SOX5: variants seen among roughly 807,000 people sequenced by gnomAD.
SOX5 encodes transcription factor SOX-5.
SOX5 carries 9 observed loss-of-function variants against 92.0 expected under a neutral mutation model. The ratio of observed to expected loss-of-function variants is 0.10; its 90% CI spans 0.06 to 0.17. The LOEUF (loss-of-function observed/expected upper bound fraction) is 0.17, where lower values mean the gene tolerates loss of function less well. Ranked by LOEUF, SOX5 falls within the 10% of genes least tolerant of loss-of-function variation. The pLI is 1.00. For synonymous variants in SOX5, 344 were observed against 336.3 expected (o/e 1.02, Z -0.25); for missense variants, 642 against 944.5 (o/e 0.68, Z 4.20).
At chr12:24,262,115 T>G (rs576705023) in intron 3 of SOX5, among the ~76,000 whole-genome samples, 1 of 152,154 alleles carries the variant, frequency 6.6e-6, no homozygotes, top group Non-Finnish European at 1.5e-5. Flanking sequence ...AGGGGCAACA[T>G]AACATGTAAG....
intron 3 of SOX5, among the ~76,000 whole-genome samples, chr12:23,768,788 A>C (rs1035887326): frequency 2.6e-5 from 4 of 152,146 alleles, no homozygotes; most frequent in African/African-American, 9.7e-5. Context: ...ATTAAAATTG[A>C]TCTTTATTGC....
intron 8 of SOX5, among the ~76,000 whole-genome samples, chr12:23,632,560 G>T (rs2078682983): frequency 6.6e-6 from 1 of 152,068 alleles, no homozygotes; most frequent in Admixed American, 6.6e-5. Context: ...GTCACTCACA[G>T]TGCTGGGAAA....
intron 1 of SOX5, among the ~76,000 whole-genome samples, chr12:23,907,658 A>G (rs1458133593): frequency 6.6e-6 from 1 of 152,118 alleles, no homozygotes; most frequent in African/African-American, 2.4e-5. Flanking sequence ...AATAATCTGT[A>G]AAAACAGCTC....
chr12:24,420,945 T>C (rs887005026), intron 1 of SOX5, among the ~76,000 whole-genome samples: 7 of 152,144 alleles, frequency 4.6e-5, no homozygotes, highest in Admixed American at 6.5e-5. Flanking sequence ...AAATCCATAC[T>C]GTGGGAAATT....
chr12:24,386,101 AT>A (rs1958384258), intron 1 of SOX5, among the ~76,000 whole-genome samples: 1 of 152,240 alleles, frequency 6.6e-6, no homozygotes, highest in African/African-American at 2.4e-5. Context: ...CTCAAATAAT[AT>A]TGTCTAGTTC....
intron 1 of SOX5, among the ~76,000 whole-genome samples, chr12:24,493,045 A>G (rs1229375377): frequency 6.6e-6 from 1 of 152,322 alleles, no homozygotes; most frequent in African/African-American, 2.4e-5. Context: ...CTGGTTTACC[A>G]AAAGGGCAAG....
chr12:24,106,659 G>A (rs1264793005), intron 4 of SOX5, among the ~76,000 whole-genome samples: 3 of 151,832 alleles, frequency 2.0e-5, no homozygotes, highest in Non-Finnish European at 4.4e-5. Context: ...GGGTATGGTG[G>A]TGAGTGCCTC....
chr12:24,390,493 T>C (rs1958886128), intron 1 of SOX5, among the ~76,000 whole-genome samples: 1 of 152,150 alleles, frequency 6.6e-6, no homozygotes, highest in African/African-American at 2.4e-5. Context: ...ATATATTGCA[T>C]AGTGATGAAG....
At chr12:24,123,849 T>G (rs1948854062) in intron 4 of SOX5, among the ~76,000 whole-genome samples, 1 of 152,188 alleles carries the variant, frequency 6.6e-6, no homozygotes, top group Non-Finnish European at 1.5e-5. Flanking sequence ...ACATCCTCCC[T>G]GTATTGAGCA....
intron 4 of SOX5, among the ~76,000 whole-genome samples, chr12:24,027,629 G>A (rs574636989): frequency 2.0e-5 from 3 of 151,970 alleles, no homozygotes; most frequent in South Asian, 2.1e-4. Flanking sequence ...GTGTTCTTTC[G>A]TTGAAGGTTT....
intron 1 of SOX5, among the ~76,000 whole-genome samples, chr12:23,939,684 A>G (rs187620541): frequency 1.3e-5 from 2 of 150,924 alleles, no homozygotes; most frequent in Admixed American, 6.6e-5. Context: ...ACACTGCATT[A>G]AAAAAACAGC....
intron 4 of SOX5, among the ~76,000 whole-genome samples, chr12:24,074,929 C>T (rs1284338537): frequency 4.0e-5 from 6 of 150,482 alleles, no homozygotes; most frequent in African/African-American, 1.5e-4. Flanking sequence ...CTCTCCAAAC[C>T]TAAATTGATT....
At chr12:23,946,197 C>T (rs1263628279) in intron 1 of SOX5, among the ~76,000 whole-genome samples, 1 of 152,082 alleles carries the variant, frequency 6.6e-6, no homozygotes, top group Non-Finnish European at 1.5e-5. Flanking sequence ...CTGTTGTCTG[C>T]ACCAATTTGG....
At chr12:24,524,696 G>T (rs528785872) in intron 1 of SOX5, among the ~76,000 whole-genome samples, 148 of 152,170 alleles carry the variant, frequency 9.7e-4, no homozygotes, top group African/African-American at 3.4e-3. Context: ...TGAGAAATTA[G>T]AACTTTTGTA....
chr12:24,517,672 A>G lies in SOX5; in HGVS notation c.-251+44657T>C, dbSNP rs554615694. Reference sequence around the variant, plus strand: ...GTTATCTAATAAAAACTGAAACATAATTCTGTCAAAGAAAACATAATTAAT... The same window carrying G: ...GTTATCTAATAAAAACTGAAACATAGTTCTGTCAAAGAAAACATAATTAAT... On this transcript the variant is annotated intron_variant, in intron 1 of 4. Transcript: ENST00000446891. Among the ~76,000 whole-genome samples the G allele has an allele frequency of 9.9e-5, 15 of 151,358 alleles. No individual in the cohort carries two copies. The South Asian group carries it at 1.1e-3, about 11-fold the overall frequency.
intron 3 of SOX5, among the ~76,000 whole-genome samples, chr12:23,759,036 C>T (rs998101281): frequency 1.9e-4 from 2 of 10,384 alleles, no homozygotes. Flanking sequence ...CACAGACACA[C>T]ACACACACAC....
chr12:24,171,138 A>ATTTTTTTT (rs71059984), intron 4 of SOX5, among the ~76,000 whole-genome samples: 2 of 85,174 alleles, frequency 2.3e-5, no homozygotes, highest in African/African-American at 5.1e-5. Context: ...CCCAAGATCT[A>ATTTTTTTT]TTTTTTTTTT....
chr12:24,019,122 C>T (rs1954007033), intron 4 of SOX5, among the ~76,000 whole-genome samples: 1 of 152,118 alleles, frequency 6.6e-6, no homozygotes, highest in African/African-American at 2.4e-5. Context: ...CAGCTGCATG[C>T]CACATGCCCG....
intron 3 of SOX5, among the ~76,000 whole-genome samples, chr12:23,789,519 A>G (rs2095434953): frequency 6.6e-6 from 1 of 152,098 alleles, no homozygotes; most frequent in Non-Finnish European, 1.5e-5. Flanking sequence ...CTTTCAATTG[A>G]AGTATCACGT....
Sources: gnomAD v4.1 joint callset for allele counts (sites outside exome capture counted in the v4.1 genomes callset) on GRCh38, gnomAD v4.1.1 for gene constraint, MANE v1.5 for transcripts, NCBI Gene and HGNC (gene_info 2026-07-23, HGNC 2026-07-21) for gene names.